ATRNL1: variants seen among roughly 807,000 people sequenced by gnomAD.
The protein encoded by ATRNL1 is attractin like 1, also known as attractin-like protein 1.
Under a neutral mutation model 182.7 loss-of-function variants are expected in ATRNL1, and 95 were observed. The ratio of observed to expected loss-of-function variants is 0.52; its 90% CI spans 0.44 to 0.62. The LOEUF (loss-of-function observed/expected upper bound fraction) is 0.62. ATRNL1 is among the 20% of genes least tolerant of loss of function. The pLI, the probability that ATRNL1 is intolerant of heterozygous loss-of-function variation, is 0.00. For missense variants in ATRNL1, 1,471 were observed against 1,679.5 expected, an observed-to-expected ratio of 0.88 and a Z score of 2.17; for synonymous variants, 576 against 568.3, an observed-to-expected ratio of 1.01 and a Z score of -0.19.
chr10:115,559,763 G>A (rs1360980282), intron 26 of ATRNL1, among the ~76,000 whole-genome samples: 1 of 152,052 alleles, frequency 6.6e-6, no homozygotes, highest in Admixed American at 6.5e-5. Context: ...CTGATAAAAG[G>A]CATCTGCCAA....
chr10:115,759,735 G>A (rs774689058), intron 27 of ATRNL1, among the ~76,000 whole-genome samples: 3 of 150,880 alleles, frequency 2.0e-5, no homozygotes, highest in African/African-American at 7.3e-5. Flanking sequence ...GAGTGCAGTG[G>A]CATGATCTTG....
chr10:115,897,696 G>A (rs1555112841), intron 28 of ATRNL1, among the ~76,000 whole-genome samples: 1 of 152,150 alleles, frequency 6.6e-6, no homozygotes, highest in Admixed American at 6.5e-5. Context: ...CCAGATTTTT[G>A]TGGAAGAGAA....
rs78580406 is a variant in ATRNL1, at chr10:115,219,231, CAAAAAAAA to C, written c.1532+3362_1532+3369del. Among the ~76,000 whole-genome samples the C allele has an allele frequency of 3.9e-3, 235 of 60,848 alleles. 2 individuals are homozygous for C. The highest frequency in any genetic ancestry group is 0.013 in the African/African-American group (224 of 17,686). The allele number at this position is 60,848 out of a possible 152,430, so 39.9% of individuals were successfully genotyped here. Reference sequence around the variant, plus strand: ...TGGGTGACAGAGTGAGACTCCATCTCAAAAAAAAAAAAAAAAAAGAAAAAGGGATGACG... The same window carrying C: ...TGGGTGACAGAGTGAGACTCCATCTCAAAAAAAAAAGAAAAAGGGATGACG... On this transcript the variant is annotated intron_variant, in intron 9 of 28. Coordinates refer to ENST00000355044, the MANE Select transcript of ATRNL1 (RefSeq NM_207303.4).
At chr10:115,273,253 G>T (rs915044990) in intron 13 of ATRNL1, among the ~76,000 whole-genome samples, 2 of 152,136 alleles carry the variant, frequency 1.3e-5, no homozygotes, top group Non-Finnish European at 2.9e-5. Context: ...GAGCCCGTTG[G>T]GTAATGACAC....
chr10:115,547,200 A>G (rs1852706643), intron 25 of ATRNL1, among the ~76,000 whole-genome samples: 1 of 151,504 alleles, frequency 6.6e-6, no homozygotes, highest in Non-Finnish European at 1.5e-5. Context: ...GGTTGCAGTG[A>G]GCCAAGATTG....
intron 10 of ATRNL1, among the ~76,000 whole-genome samples, chr10:115,260,674 A>G (rs570063626): frequency 1.2e-3 from 187 of 152,304 alleles, no homozygotes; most frequent in African/African-American, 4.2e-3. Flanking sequence ...ATCTTTATGG[A>G]CAGAAGATGT....
intron 28 of ATRNL1, among the ~76,000 whole-genome samples, chr10:115,913,126 T>G (rs1952735841): frequency 6.6e-6 from 1 of 152,244 alleles, no homozygotes; most frequent in Admixed American, 6.5e-5. Context: ...GCTGCAAAAG[T>G]ACTTTATGAA....
chr10:115,422,836 A>G (rs1245493447), intron 20 of ATRNL1, among the ~76,000 whole-genome samples: 1 of 152,168 alleles, frequency 6.6e-6, no homozygotes, highest in Non-Finnish European at 1.5e-5. Context: ...ACGAACATAA[A>G]GAAGGGAACA....
intron 26 of ATRNL1, among the ~76,000 whole-genome samples, chr10:115,568,739 ATATAT>A (rs1231410378): frequency 5.9e-5 from 9 of 151,920 alleles, no homozygotes; most frequent in African/African-American, 2.2e-4. Context: ...AAAATAAGTA[ATATAT>A]TAACATAATT....
intron 25 of ATRNL1, among the ~76,000 whole-genome samples, chr10:115,534,011 G>A (rs1554989325): frequency 6.7e-6 from 1 of 149,608 alleles, no homozygotes; most frequent in Non-Finnish European, 1.5e-5. Context: ...GCTGAGGAGA[G>A]CTTTACTTCC....
At chr10:115,922,170 G>C (rs533811219) in intron 28 of ATRNL1, among the ~76,000 whole-genome samples, 24 of 152,240 alleles carry the variant, frequency 1.6e-4, no homozygotes, top group African/African-American at 5.8e-4. Context: ...TTGTCTAGAT[G>C]CGTATGGACA....
intron 21 of ATRNL1, among the ~76,000 whole-genome samples, chr10:115,446,814 A>T: frequency 6.6e-6 from 1 of 151,718 alleles, no homozygotes; most frequent in East Asian, 1.9e-4. Context: ...ATTTTTATAA[A>T]CTATTTTTAT....
intron 22 of ATRNL1, among the ~76,000 whole-genome samples, chr10:115,464,235 G>T (rs1554970377): frequency 6.6e-6 from 1 of 151,672 alleles, no homozygotes; most frequent in African/African-American, 2.4e-5. Flanking sequence ...ATTCACCTGG[G>T]AATAATCTCT....
chr10:115,587,589 A>G (rs1283910325), intron 26 of ATRNL1, among the ~76,000 whole-genome samples: 1 of 121,898 alleles, frequency 8.2e-6, no homozygotes, highest in Admixed American at 9.3e-5. Context: ...GCGCTTCCCG[A>G]GTGAGGCAAT....
At chr10:115,801,768 G>A (rs1462340973) in intron 27 of ATRNL1, among the ~76,000 whole-genome samples, 1 of 152,012 alleles carries the variant, frequency 6.6e-6, no homozygotes, top group African/African-American at 2.4e-5. Flanking sequence ...GATAAAAATA[G>A]CAAATGATTT....
At chr10:115,929,775 C>A (rs1408925161) in intron 28 of ATRNL1, among the ~76,000 whole-genome samples, 1 of 152,064 alleles carries the variant, frequency 6.6e-6, no homozygotes, top group Non-Finnish European at 1.5e-5. Flanking sequence ...GAACTTTTAT[C>A]TCAAAGCTAA....
intron 24 of ATRNL1, among the ~76,000 whole-genome samples, chr10:115,489,761 G>T (rs1849207160): frequency 6.6e-6 from 1 of 152,178 alleles, no homozygotes. Context: ...ATTTGATCTT[G>T]TCATTATGAT....
At chr10:115,348,716 A>G (rs535087282) in intron 19 of ATRNL1, among the ~76,000 whole-genome samples, 15 of 152,304 alleles carry the variant, frequency 9.8e-5, no homozygotes, top group Admixed American at 8.5e-4. Flanking sequence ...TGTGGGTGCT[A>G]TTATAGTGTT....
chr10:115,549,639 A>G, intron 26 of ATRNL1, 103 bp downstream of exon 26: 2 of 729,040 alleles, frequency 2.7e-6, no homozygotes, highest in Non-Finnish European at 4.0e-6. Context: ...AGAATTTCAA[A>G]TCATTTTTAC....
Sources: allele counts gnomAD v4.1 joint callset (sites outside exome capture counted in the v4.1 genomes callset), GRCh38; gene constraint gnomAD v4.1.1; transcripts MANE v1.5; gene names NCBI Gene and HGNC (gene_info 2026-07-23, HGNC 2026-07-21).